Variants in DDX31 observed in about 807,000 individuals in gnomAD.
DDX31 encodes the protein DEAD-box helicase 31, also known as ATP-dependent DNA helicase DDX31.
A neutral mutation model predicts 91.3 loss-of-function variants in DDX31; 70 were observed. That is an observed-to-expected ratio of 0.77 (90% confidence interval 0.63 to 0.94). The LOEUF (loss-of-function observed/expected upper bound fraction) is 0.94, where lower values mean the gene tolerates loss of function less well. Among genes scored for constraint, DDX31 ranks in the 40% least tolerant of loss-of-function variants. The pLI is 0.00. For synonymous variants in DDX31, 362 were observed against 350.6 expected (o/e 1.03, Z -0.36); for missense variants, 902 against 925.0 (o/e 0.98, Z 0.32).
chr9:132,604,596 C>G (rs148781768), intron 19 of DDX31, among the ~76,000 whole-genome samples: 79 of 152,182 alleles, frequency 5.2e-4, no homozygotes, highest in African/African-American at 1.5e-3. Context: ...AGGGACTGTC[C>G]CTGGGTCAAG....
In DDX31 at chr9:132,652,476, TA is replaced by T; in HGVS notation, c.604del (p.Tyr202MetfsTer11). On this transcript the variant is annotated frameshift_variant, in exon 7 of 20. Coordinates refer to ENST00000372159, the MANE Select transcript of DDX31 (RefSeq NM_022779.9). LOFTEE classifies it high-confidence loss of function. The part of the protein sequence containing the change: ...ESKIQRSDGP[Y>X]ALVLVPTREL... ...TCTCGTTGGCACGAGCACCAGGGCA[TA>T]GGGGCCATCACTGCGCTGTTGACAC... 1 of 1,614,054 alleles carries T rather than the reference TA, an allele frequency of 6.2e-7. No homozygotes were observed. Among genetic ancestry groups the T allele is most frequent in the Non-Finnish European group, 8.5e-7 (1 of 1,180,006 alleles).
At chr9:132,622,483 G>A (rs370643700) in intron 17 of DDX31, among the ~76,000 whole-genome samples, 1 of 152,196 alleles carries the variant, frequency 6.6e-6, no homozygotes, top group Non-Finnish European at 1.5e-5. Context: ...CTTCTCTGGG[G>A]ACGTGTCCTT....
Position 132,662,553 on chromosome 9 carries a change from A to AT in DDX31, c.217dup (p.Met73AsnfsTer10), listed in dbSNP as rs1352828170. 6 of 1,614,038 alleles carry AT rather than the reference A, an allele frequency of 3.7e-6. No individual in the cohort carries two copies. In the East Asian group the frequency reaches 8.9e-5, roughly 24 times the overall value. The stretch of plus-strand genomic sequence containing the variant: ...AACCGAATGCTTCTTTGGAGAAAAC[A>AT]TTTTTTGTGCGTTCCCCTTAAAAGT... On this transcript the variant is annotated frameshift_variant, in exon 2 of 20. Coordinates refer to ENST00000372159, the MANE Select transcript of DDX31 (RefSeq NM_022779.9). LOFTEE classifies it high-confidence loss of function.
intron 1 of DDX31, among the ~76,000 whole-genome samples, chr9:132,666,071 T>C (rs1043260314): frequency 1.3e-5 from 2 of 152,264 alleles, no homozygotes; most frequent in Non-Finnish European, 2.9e-5. Context: ...TCCACATGGA[T>C]TTGGTTTTTT....
intron 19 of DDX31, among the ~76,000 whole-genome samples, chr9:132,606,224 G>A (rs558194882): frequency 1.1e-4 from 16 of 152,302 alleles, no homozygotes; most frequent in South Asian, 2.1e-4. Flanking sequence ...CAATGAAATC[G>A]AGAAAGTTTT....
At chr9:132,622,570 G>A (rs530233674) in intron 17 of DDX31, among the ~76,000 whole-genome samples, 32 of 152,340 alleles carry the variant, frequency 2.1e-4, no homozygotes, top group Admixed American at 2.6e-4. Flanking sequence ...GGAGAGAAAT[G>A]ATCTGCACTC....
intron 19 of DDX31, among the ~76,000 whole-genome samples, chr9:132,600,648 T>A (rs1416495296): frequency 6.6e-6 from 1 of 151,832 alleles, no homozygotes; most frequent in Non-Finnish European, 1.5e-5. Flanking sequence ...AATGAAGGGC[T>A]TCACCAGAGC....
Position 132,662,582 on chromosome 9 carries a change from C to T in DDX31, c.189G>A (p.Gln63=). Residue 63 remains glutamine (Q), a synonymous_variant, in exon 2 of 20, where the codon CAG becomes CAA. Coordinates refer to ENST00000372159, the MANE Select transcript of DDX31 (RefSeq NM_022779.9). ...TTTGTGCGTTCCCCTTAAAAGTCCT[C>T]TGAGTTTCTTTAACACTAGTTTTCT... The part of the protein sequence containing the change: ...PAKKTSVKET[Q]RTFKGNAQKM... The T allele has an allele frequency of 6.2e-7, 1 of 1,614,218 alleles. No homozygotes were observed. The highest frequency in any genetic ancestry group is 8.5e-7 in the Non-Finnish European group (1 of 1,180,036).
chr9:132,632,561 C>T (rs1590036982), intron 14 of DDX31, among the ~76,000 whole-genome samples: 1 of 151,278 alleles, frequency 6.6e-6, no homozygotes, highest in African/African-American at 2.4e-5. Flanking sequence ...TGGATTATCA[C>T]CCCCCGCCCA....
In DDX31 at chr9:132,646,943, T is replaced by C; in HGVS notation, c.1083A>G (p.Pro361=). Reference sequence around the variant, plus strand: ...AGCTGTCCAGCTTGTCGCCAGCTGGTGGAGGACAGACCTCCTGGACCGCTT... The same window carrying C: ...AGCTGTCCAGCTTGTCGCCAGCTGGCGGAGGACAGACCTCCTGGACCGCTT... ...KDKAVQEVCP[P]PAGDKLDSFA... is the part of the protein sequence containing the mutation. The change falls in exon 12 of 20, where the codon CCA becomes CCG. Residue 361 remains proline, a synonymous_variant. Coordinates refer to ENST00000372159, the MANE Select transcript of DDX31 (RefSeq NM_022779.9). The C allele has an allele frequency of 6.2e-7, 1 of 1,614,218 alleles. No individual in the cohort carries two copies. Among genetic ancestry groups the C allele is most frequent in the Non-Finnish European group, 8.5e-7 (1 of 1,180,028 alleles).
At chr9:132,616,890 A>C (rs1831670681) in intron 18 of DDX31, among the ~76,000 whole-genome samples, 1 of 152,222 alleles carries the variant, frequency 6.6e-6, no homozygotes, top group African/African-American at 2.4e-5. Context: ...TAATGTGCTA[A>C]AGGTATGTAA....
chr9:132,657,464 T>A (rs1301707655), intron 6 of DDX31, among the ~76,000 whole-genome samples: 1 of 152,246 alleles, frequency 6.6e-6, no homozygotes, highest in Admixed American at 6.5e-5. Flanking sequence ...GTATATTTAT[T>A]TATTAGAGTT....
Position 132,648,452 on chromosome 9 carries a change from C to A in DDX31, c.840G>T (p.Leu280Phe). The A allele has an allele frequency of 1.2e-6, 2 of 1,613,870 alleles. No individual in the cohort carries two copies. The highest frequency in any genetic ancestry group is 1.7e-6 in the Non-Finnish European group (2 of 1,179,924). Residue 280 changes from leucine to phenylalanine, a missense_variant, in exon 10 of 20, where the codon TTG becomes TTT. Physicochemically the swap from Leu to Phe is conservative, Grantham distance 22. Coordinates refer to ENST00000372159, the MANE Select transcript of DDX31 (RefSeq NM_022779.9). ...CTCACCTGTCTGCTTCATCAAACAC[C>A]AACCACCGCAGCCGACTAAAATGAA... ...KNIHFSRLRWLVFDEADRILD... is the reference protein window; with the variant it reads ...KNIHFSRLRWFVFDEADRILD...
At chr9:132,656,869 CATTT>C (rs1834603816) in intron 6 of DDX31, among the ~76,000 whole-genome samples, 1 of 152,174 alleles carries the variant, frequency 6.6e-6, no homozygotes, top group Non-Finnish European at 1.5e-5. Flanking sequence ...TAGTAATTTA[CATTT>C]ATTTTTCTCT....
chr9:132,610,152 G>A (rs771811395), intron 19 of DDX31, among the ~76,000 whole-genome samples: 5 of 152,150 alleles, frequency 3.3e-5, no homozygotes, highest in Non-Finnish European at 5.9e-5. Context: ...CCCAGGCCCC[G>A]CAGCCTAGAA....
intron 6 of DDX31, among the ~76,000 whole-genome samples, chr9:132,653,788 T>C (rs991554095): frequency 1.2e-4 from 18 of 152,016 alleles, no homozygotes; most frequent in African/African-American, 4.3e-4. Flanking sequence ...CACAAATGTG[T>C]ATATATAAAA....
chr9:132,619,461 C>A (rs1441935785), intron 17 of DDX31, among the ~76,000 whole-genome samples: 1 of 152,106 alleles, frequency 6.6e-6, no homozygotes, highest in Non-Finnish European at 1.5e-5. Flanking sequence ...TGTATGAGCG[C>A]CTGCATCTGG....
Position 132,659,721 on chromosome 9 carries a change from T to C in DDX31, c.512A>G (p.Gln171Arg). 5 of 1,611,440 alleles carry C rather than the reference T, an allele frequency of 3.1e-6. No homozygotes were observed. Among genetic ancestry groups the C allele is most frequent in the Admixed American group, 1.7e-5 (1 of 59,714 alleles). ...LEGRDALVRSQTGSGKTLAYC... is the reference protein window; with the variant it reads ...LEGRDALVRSRTGSGKTLAYC... ...GAAATGAGACTAACCTGAGCCCGTC[T>C]GGGATCTCACGAGAGCATCTCTGCC... The change falls in exon 5 of 20, where the codon CAG becomes CGG. Residue 171 changes from glutamine to arginine, a missense_variant. Physicochemically the swap from Gln to Arg is conservative, Grantham distance 43. Transcript: ENST00000372159.
intron 17 of DDX31, among the ~76,000 whole-genome samples, chr9:132,622,317 T>A (rs1355869792): frequency 6.6e-6 from 1 of 152,006 alleles, no homozygotes; most frequent in Non-Finnish European, 1.5e-5. Flanking sequence ...GAGCCACTCC[T>A]CAAGTCTCAG....
Sources: gnomAD v4.1 joint callset for allele counts (sites outside exome capture counted in the v4.1 genomes callset) on GRCh38, gnomAD v4.1.1 for gene constraint, MANE v1.5 for transcripts, NCBI Gene and HGNC (gene_info 2026-07-23, HGNC 2026-07-21) for gene names.